Variants in NECTIN3 observed in about 807,000 individuals in gnomAD.
NECTIN3 encodes nectin-3.
Under a neutral mutation model 49.4 loss-of-function variants are expected in NECTIN3, and 8 were observed. The observed-to-expected ratio is 0.16, with a 90% confidence interval of 0.10 to 0.29. The LOEUF is 0.29. NECTIN3 is among the 10% of genes least tolerant of loss of function. The pLI is 1.00. For synonymous variants in NECTIN3, 277 were observed against 241.1 expected (o/e 1.15, Z -1.38); for missense variants, 581 against 654.6 (o/e 0.89, Z 1.23).
Position 111,135,591 on chromosome 3 carries a change from TG to T in NECTIN3, c.*1377del. 1.0e-6 allele frequency: 1 copy of T among 967,684 alleles called. No individual in the cohort carries two copies. Among genetic ancestry groups the T allele is most frequent in the Non-Finnish European group, 1.2e-6 (1 of 813,926 alleles). The allele number at this position is 967,684 out of a possible 1,614,324, so 59.9% of individuals were successfully genotyped here. A position where few individuals can be genotyped will look rare whatever the true frequency, so the allele number is the denominator to read the frequency against. ...TCTATTGCTAAGTCATTTGAAAAAG[TG>T]ACCATTTTGCCAGTGAAATGAAGTG... On this transcript the variant is annotated 3_prime_UTR_variant, in exon 6 of 6. Transcript: ENST00000485303.
chr3:111,101,531 CAT>C (rs987606460), intron 1 of NECTIN3, among the ~76,000 whole-genome samples: 2 of 152,068 alleles, frequency 1.3e-5, no homozygotes, highest in Admixed American at 1.3e-4. Flanking sequence ...TTTTTAGCTT[CAT>C]AGAAACCTGT....
chr3:111,159,202 A>G (rs2035159719), intron 7 of NECTIN3, among the ~76,000 whole-genome samples: 1 of 152,154 alleles, frequency 6.6e-6, no homozygotes, highest in South Asian at 2.1e-4. Flanking sequence ...TAGTAGATTT[A>G]TATTTTATTG....
At chr3:111,089,817 A>AT (rs900310031) in intron 1 of NECTIN3, among the ~76,000 whole-genome samples, 147 of 150,174 alleles carry the variant, frequency 9.8e-4, no homozygotes, top group African/African-American at 3.0e-3. Context: ...ACCCTTTCTG[A>AT]TTTTTTTTTG....
chr3:111,138,216 T>C (rs1015516528), downstream of NECTIN3, among the ~76,000 whole-genome samples: 1 of 151,808 alleles, frequency 6.6e-6, no homozygotes, highest in African/African-American at 2.4e-5. Context: ...ATGCATCACT[T>C]TGTTTCCTAT....
intron 1 of NECTIN3, among the ~76,000 whole-genome samples, chr3:111,093,658 A>G (rs2032408443): frequency 6.6e-6 from 1 of 151,602 alleles, no homozygotes. Context: ...CTGGCCTCGA[A>G]CTCCTAACCT....
At chr3:111,176,610 T>C (rs1422324762) in intron 7 of NECTIN3, among the ~76,000 whole-genome samples, 1 of 152,224 alleles carries the variant, frequency 6.6e-6, no homozygotes, top group African/African-American at 2.4e-5. Context: ...TTTTACCTTC[T>C]TAACCATTAT....
intron 2 of NECTIN3, among the ~76,000 whole-genome samples, chr3:111,118,226 A>AT (rs1305945516): frequency 3.1e-5 from 4 of 129,394 alleles, no homozygotes; most frequent in Non-Finnish European, 3.3e-5. Context: ...TTGCTTTAAA[A>AT]TTTTTTTACT....
In NECTIN3 at chr3:111,134,043, C is replaced by T. The variant is rs1448005241; in HGVS notation, c.1478C>T (p.Thr493Ile). The T allele has an allele frequency of 6.2e-7, 1 of 1,612,932 alleles. No homozygotes were observed. The highest frequency in any genetic ancestry group is 2.2e-5 in the East Asian group (1 of 44,864). Residue 493 changes from threonine (T) to isoleucine (I), a missense_variant, in exon 6 of 6, where the codon ACT becomes ATT. This residue lies in a region of NECTIN3 where 238 missense variants were observed against 244.9 expected (regional missense o/e 0.97). Transcript: ENST00000485303. ...RKDYLEEPEKTQWNNVENLNR... is the reference protein window; with the variant it reads ...RKDYLEEPEKIQWNNVENLNR... ...GACTATTTAGAAGAGCCTGAAAAAACTCAGTGGAACAATGTAGAAAATCTC... is the reference window on the plus strand; with the variant it reads ...GACTATTTAGAAGAGCCTGAAAAAATTCAGTGGAACAATGTAGAAAATCTC...
Position 111,192,405 on chromosome 3 carries a change from C to T in NECTIN3, c.55C>T (p.Gln19Ter). ...CAAAGAAAGAGAAGTTGGCAATCTT[C>T]AGCACTCTGTAAGTAACTGTGTTGT... The change falls in exon 1 of 2, where the codon CAG (glutamine) becomes TAG (stop). Residue 19 changes from glutamine to a stop codon, truncating the protein, a stop_gained. Transcript: ENST00000485506. LOFTEE classifies it high-confidence loss of function. 1.3e-6 allele frequency: 2 copies of T among 1,535,436 alleles called. No individual in the cohort carries two copies. The highest frequency in any genetic ancestry group is 2.4e-5 in the South Asian group (2 of 84,042).
intron 1 of NECTIN3, among the ~76,000 whole-genome samples, chr3:111,076,975 C>CAAA (rs200742608): frequency 1.5e-5 from 1 of 65,866 alleles, no homozygotes. Flanking sequence ...GACTCCGTCT[C>CAAA]AAAAAAAAAA....
chr3:111,169,150 C>T (rs570808511), intron 7 of NECTIN3, among the ~76,000 whole-genome samples: 6 of 124,054 alleles, frequency 4.8e-5, no homozygotes, highest in African/African-American at 9.6e-5. Flanking sequence ...AGTGCAGTGG[C>T]GCAATCTTGG....
chr3:111,114,435 G>C (rs949366049), intron 2 of NECTIN3, among the ~76,000 whole-genome samples: 7 of 152,022 alleles, frequency 4.6e-5, no homozygotes, highest in African/African-American at 1.7e-4. Context: ...TATTGTAGCA[G>C]TTACCACACT....
At chr3:111,176,171 T>C (rs1402794381) in intron 7 of NECTIN3, among the ~76,000 whole-genome samples, 1 of 152,216 alleles carries the variant, frequency 6.6e-6, no homozygotes, top group Non-Finnish European at 1.5e-5. Flanking sequence ...TTCACTGTTC[T>C]TGCCTCATGG....
intron 1 of NECTIN3, among the ~76,000 whole-genome samples, chr3:111,092,405 T>A (rs2032321637): frequency 6.6e-6 from 1 of 152,206 alleles, no homozygotes; most frequent in Non-Finnish European, 1.5e-5. Flanking sequence ...TACAGTATTT[T>A]CTTCTAGGAG....
chr3:111,180,196 A>G (rs1400318787), intron 7 of NECTIN3, among the ~76,000 whole-genome samples: 1 of 152,218 alleles, frequency 6.6e-6, no homozygotes, highest in Non-Finnish European at 1.5e-5. Flanking sequence ...ATATAGCTAA[A>G]TGATTAGCCT....
chr3:111,100,287 T>C (rs1455649879), intron 1 of NECTIN3, among the ~76,000 whole-genome samples: 1 of 152,150 alleles, frequency 6.6e-6, no homozygotes, highest in Non-Finnish European at 1.5e-5. Context: ...GTTCCTTACA[T>C]TGTCAACTTC....
chr3:111,142,220 GA>G (rs2034764785), downstream of NECTIN3, among the ~76,000 whole-genome samples: 1 of 151,764 alleles, frequency 6.6e-6, no homozygotes, highest in Non-Finnish European at 1.5e-5. Flanking sequence ...AATCAGAAAA[GA>G]AAACATGAAA....
intron 1 of NECTIN3, among the ~76,000 whole-genome samples, chr3:111,192,979 A>G (rs1033151862): frequency 2.0e-5 from 3 of 152,140 alleles, no homozygotes; most frequent in African/African-American, 7.2e-5. Context: ...ATTAGTCACA[A>G]TTTTGTATTT....
chr3:111,189,074 T>C (rs2035770510), upstream of NECTIN3, among the ~76,000 whole-genome samples: 1 of 152,196 alleles, frequency 6.6e-6, no homozygotes. Context: ...CTTTTCAACA[T>C]GATTGTACTA....
Sources: allele counts gnomAD v4.1 joint callset (sites outside exome capture counted in the v4.1 genomes callset), GRCh38; gene constraint gnomAD v4.1.1; regional missense constraint gnomAD v4.1.1; transcripts MANE v1.5; gene names NCBI Gene and HGNC (gene_info 2026-07-23, HGNC 2026-07-21).